DNMT3A: variants seen among roughly 807,000 people sequenced by gnomAD.
The protein encoded by DNMT3A is DNA (cytosine-5)-methyltransferase 3A.
A neutral mutation model predicts 117.6 loss-of-function variants in DNMT3A; 267 were observed. That is an observed-to-expected ratio of 2.27 (90% confidence interval 2.05 to 2.51). The LOEUF (loss-of-function observed/expected upper bound fraction) is 2.51, where lower values mean the gene tolerates loss of function less well. DNMT3A is among the 30% of genes most tolerant of loss of function. The pLI, the probability that DNMT3A is intolerant of heterozygous loss-of-function variation, is 0.00. For missense variants in DNMT3A, 1,029 were observed against 1,260.2 expected (o/e 0.82, Z 2.78); for synonymous variants, 432 against 474.8 (o/e 0.91, Z 1.17).
rs947801497 is a variant in DNMT3A at position 25,298,380 on chromosome 2, T to A, written c.177+1759A>T. Among the ~76,000 whole-genome samples the A allele has an allele frequency of 6.6e-6, 1 of 152,174 alleles. No individual in the cohort carries two copies. Among genetic ancestry groups the A allele is most frequent in the Non-Finnish European group, 1.5e-5 (1 of 68,038 alleles). ...ACTTCCTTGTACCTTTTCACCCGAG[T>A]GCTTCACTCCACCTCTCAGCGATGT... On this transcript the variant is annotated intron_variant, in intron 3 of 22. Coordinates refer to ENST00000321117, the MANE Select transcript of DNMT3A (RefSeq NM_022552.5). This position sits in a 1 kb window ranked among gnomAD's most constrained non-coding sequence, Gnocchi z 4.3.
intron 17 of DNMT3A, 72 bp from the exon 18 acceptor site, chr2:25,240,802 T>C (rs1673939016): frequency 9.4e-6 from 14 of 1,492,642 alleles, no homozygotes; most frequent in African/African-American, 2.8e-5. Context: ...AGAGAAATTA[T>C]CTGTGAACTT....
chr2:25,319,137 C>A (rs1414639120), intron 1 of DNMT3A, among the ~76,000 whole-genome samples: 2 of 151,372 alleles, frequency 1.3e-5, no homozygotes, highest in African/African-American at 4.9e-5. Flanking sequence ...GCCTCAGCCT[C>A]CCAAGTAGCT....
chr2:25,234,176 GAT>G lies in DNMT3A; in HGVS notation c.*101_*102del. ...AATTCCTTTTTCTCTTCTGGGTGCT[GAT>G]ACTTCTCTCCATCCTCATGTTCTTG... is the stretch of plus-strand genomic sequence containing the variant. On this transcript the variant is annotated 3_prime_UTR_variant, in exon 23 of 23. Transcript: ENST00000321117. This position sits in a 1 kb window ranked among gnomAD's most constrained non-coding sequence, Gnocchi z 4.5. 4 of 1,487,324 alleles carry G rather than the reference GAT, an allele frequency of 2.7e-6. No individual in the cohort carries two copies. In the South Asian group the frequency reaches 4.3e-5, roughly 16 times the overall value. 92.1% of individuals were successfully genotyped at this position (1,487,324 alleles called of 1,614,324 possible).
At position 25,246,979 on chromosome 2, in the gene DNMT3A, G is replaced by C. The variant is rs865826463; in HGVS notation, c.1122+72C>G. On this transcript the variant is annotated intron_variant, in intron 9 of 22. Coordinates refer to ENST00000321117, the MANE Select transcript of DNMT3A (RefSeq NM_022552.5). ...CTGGGCCTCCGTTCTGCTCAAGCCC[G>C]ACCTGCACTCCAACTTCCAGGCCTC... 21 of 1,551,990 alleles carry C rather than the reference G, an allele frequency of 1.4e-5. No homozygotes were observed. The African/African-American group carries it at 2.6e-4, about 19-fold the overall frequency.
chr2:25,263,865 T>G (rs1235436212), intron 6 of DNMT3A, among the ~76,000 whole-genome samples: 1 of 152,188 alleles, frequency 6.6e-6, no homozygotes, highest in Non-Finnish European at 1.5e-5. Context: ...AGGCACCGCC[T>G]TCCCTGAGGC....
chr2:25,284,921 T>C (rs2032186626), intron 3 of DNMT3A, among the ~76,000 whole-genome samples: 1 of 152,186 alleles, frequency 6.6e-6, no homozygotes, highest in Non-Finnish European at 1.5e-5. Context: ...GTTCTGCAAC[T>C]TGCTTTTTCA....
Position 25,337,926 on chromosome 2 carries a change from C to A in DNMT3A, c.-178+3900G>T, listed in dbSNP as rs1015509717. On this transcript the variant is annotated intron_variant, in intron 1 of 22. Transcript: ENST00000321117. This position sits in a 1 kb window ranked among gnomAD's most constrained non-coding sequence, Gnocchi z 5.0. The stretch of plus-strand genomic sequence containing the variant: ...AGCCTCAGGCCAGGTGGGCTTCTGA[C>A]GGGCTCTCTGCTCACATACTAATAT... 6.6e-6 allele frequency among the ~76,000 whole-genome samples: 1 copy of A among 152,180 alleles called. No homozygotes were observed. The highest frequency in any genetic ancestry group is 1.5e-5 in the Non-Finnish European group (1 of 68,036).
At chr2:25,284,435 A>G (rs1212995806) in intron 3 of DNMT3A, among the ~76,000 whole-genome samples, 1 of 151,442 alleles carries the variant, frequency 6.6e-6, no homozygotes, top group African/African-American at 2.4e-5. Context: ...CTCACATATC[A>G]CCTGAGGTCA....
chr2:25,320,766 A>C (rs72810089), intron 1 of DNMT3A, among the ~76,000 whole-genome samples: 2,782 of 152,320 alleles, frequency 0.018, 38 homozygotes, highest in Non-Finnish European at 0.029. Context: ...GTGTGTGTAC[A>C]TATATATGTA....
At chr2:25,302,622 A>G (rs1325954336) in intron 2 of DNMT3A, among the ~76,000 whole-genome samples, 1 of 152,186 alleles carries the variant, frequency 6.6e-6, no homozygotes, top group Non-Finnish European at 1.5e-5. Flanking sequence ...AGGGTGCCCA[A>G]GGGCACACGC....
At chr2:25,300,759 ATATATATAT>A (rs1558723089) in intron 2 of DNMT3A, among the ~76,000 whole-genome samples, 16 of 71,786 alleles carry the variant, frequency 2.2e-4, no homozygotes, top group African/African-American at 3.5e-4. Context: ...ATATATATAT[ATATATATAT>A]AAATAATACA....
rs566646334 is a variant in DNMT3A at position 25,281,116 on chromosome 2, C to T, written c.448+1325G>A. ...ACTCCCCTCAGGCCCTTCCCACTCT[C>T]GGGAAGTATCAGAATATGTGCAAGA... is the stretch of plus-strand genomic sequence containing the variant. On this transcript the variant is annotated intron_variant, in intron 4 of 22. Transcript: ENST00000321117. The surrounding 1 kb of genome is among the most constrained non-coding windows in gnomAD (Gnocchi z 4.8). Among the ~76,000 whole-genome samples, 2 of 152,142 alleles carry T rather than the reference C, an allele frequency of 1.3e-5. No homozygotes were observed. The highest frequency in any genetic ancestry group is 1.9e-4 in the East Asian group (1 of 5,190).
At chr2:25,341,684 C>T in intron 1 of DNMT3A, 142 bp downstream of exon 1, 8 of 566,398 alleles carry the variant, frequency 1.4e-5, no homozygotes, top group Non-Finnish European at 1.8e-5. Context: ...CCCGGCCCCA[C>T]GGGCGCCCGG....
chr2:25,258,647 T>C (rs1277300050), intron 6 of DNMT3A, among the ~76,000 whole-genome samples: 1 of 152,096 alleles, frequency 6.6e-6, no homozygotes, highest in Non-Finnish European at 1.5e-5. Context: ...AATTATGTGG[T>C]AGGGATGCTT....
At chr2:25,264,134 T>G (rs1208181369) in intron 6 of DNMT3A, among the ~76,000 whole-genome samples, 1 of 119,880 alleles carries the variant, frequency 8.3e-6, no homozygotes, top group Non-Finnish European at 1.7e-5. Context: ...ACCCTTTGGT[T>G]TTTTTTTTTT....
At chr2:25,297,475 G>C (rs1442137732) in intron 3 of DNMT3A, among the ~76,000 whole-genome samples, 2 of 151,472 alleles carry the variant, frequency 1.3e-5, no homozygotes, top group Admixed American at 1.3e-4. Context: ...CCCTGCAGTG[G>C]AACAGGTTTT....
intron 1 of DNMT3A, among the ~76,000 whole-genome samples, chr2:25,336,616 TC>T (rs1486565728): frequency 1.3e-5 from 2 of 151,654 alleles, no homozygotes; most frequent in African/African-American, 4.8e-5. Context: ...TTTGGCCCCT[TC>T]CCCTCCCTCC....
intron 6 of DNMT3A, among the ~76,000 whole-genome samples, chr2:25,271,744 G>A (rs1424278274): frequency 6.7e-6 from 1 of 149,620 alleles, no homozygotes; most frequent in Non-Finnish European, 1.5e-5. Context: ...AATATATTTT[G>A]TTTGGAGATC....
chr2:25,314,406 C>A, intron 1 of DNMT3A: 1 of 985,294 alleles, frequency 1.0e-6, no homozygotes, highest in Non-Finnish European at 1.2e-6. Flanking sequence ...CCAATGGGTG[C>A]CACTTCTGGG....
Sources: allele counts gnomAD v4.1 joint callset (sites outside exome capture counted in the v4.1 genomes callset), GRCh38; gene constraint gnomAD v4.1.1; non-coding constraint Gnocchi (gnomAD v3.1); transcripts MANE v1.5; gene names NCBI Gene and HGNC (gene_info 2026-07-23, HGNC 2026-07-21).